HPS3: variants seen among roughly 807,000 people sequenced by gnomAD.
HPS3 encodes HPS3 biogenesis of lysosomal organelles complex 2 subunit 1, also known as BLOC-2 complex member HPS3.
Under a neutral mutation model 110.9 loss-of-function variants are expected in HPS3, and 79 were observed. The ratio of observed to expected loss-of-function variants is 0.71; its 90% CI spans 0.59 to 0.86. HPS3 has a LOEUF of 0.86. Among genes scored for constraint, HPS3 ranks in the 40% least tolerant of loss-of-function variants. HPS3 has a pLI of 0.00. For missense variants in HPS3, 1,197 were observed against 1,206.2 expected (o/e 0.99, Z 0.11); for synonymous variants, 428 against 451.0 (o/e 0.95, Z 0.65).
Position 149,172,154 on chromosome 3 carries a change from G to A in HPS3, c.2947G>A (p.Glu983Lys). The change falls in exon 17 of 17, where the codon GAA (glutamate) becomes AAA (lysine). Residue 983 changes from glutamate (E) to lysine (K), a missense_variant. Coordinates refer to ENST00000296051, the MANE Select transcript of HPS3 (RefSeq NM_032383.5). Reference sequence around the variant, plus strand: ...GAAGGATTTCATGAATGTTCTCCCAGAAGATGGTACTGCAACATTTTTCTT... The same window carrying A: ...GAAGGATTTCATGAATGTTCTCCCAAAAGATGGTACTGCAACATTTTTCTT... ...ELKDFMNVLPEDGTATFFLPY... is the reference protein window; with the variant it reads ...ELKDFMNVLPKDGTATFFLPY... 1 of 1,613,052 alleles carries A rather than the reference G, an allele frequency of 6.2e-7. No individual in the cohort carries two copies. Among genetic ancestry groups the A allele is most frequent in the Non-Finnish European group, 8.5e-7 (1 of 1,179,094 alleles).
In HPS3 at chr3:149,158,671, A is replaced by C; in HGVS notation, c.1697A>C (p.Asp566Ala). The C allele has an allele frequency of 1.9e-6, 3 of 1,613,132 alleles. No individual in the cohort carries two copies. The change falls in exon 10 of 17, where the codon GAC becomes GCC. Residue 566 changes from aspartate to alanine, a missense_variant. Physicochemically the swap from Asp to Ala is moderately radical, Grantham distance 126 (BLOSUM62 -2). Coordinates refer to ENST00000296051, the MANE Select transcript of HPS3 (RefSeq NM_032383.5). ...GHLGDCYSRL[D>A]SQHSHLTLPY... Reference sequence around the variant, plus strand: ...TTTCATTTCCTTCCCTTTAGGCTTGACTCCCAGCATTCTCATCTCACCTTG... The same window carrying C: ...TTTCATTTCCTTCCCTTTAGGCTTGCCTCCCAGCATTCTCATCTCACCTTG...
chr3:149,139,748 A>G (rs1233786794), intron 1 of HPS3, among the ~76,000 whole-genome samples: 4 of 152,212 alleles, frequency 2.6e-5, no homozygotes, highest in African/African-American at 9.6e-5. Context: ...TTTATTCCTT[A>G]TATGAACTTT....
In HPS3 at chr3:149,171,854, G is replaced by A. The variant is rs35796314; in HGVS notation, c.2888-241G>A. Among the ~76,000 whole-genome samples the A allele has an allele frequency of 0.036, 5,402 of 151,974 alleles. 251 individuals carry two copies. The highest frequency in any genetic ancestry group is 0.11 in the African/African-American group (4,494 of 41,446). ...TGAGTAGCTAGGATTACAGGTGTGCGCCACCATGCCCGGCTAATTTTTTTG... is the reference window on the plus strand; with the variant it reads ...TGAGTAGCTAGGATTACAGGTGTGCACCACCATGCCCGGCTAATTTTTTTG... On this transcript the variant is annotated intron_variant, in intron 16 of 16. Transcript: ENST00000296051.
chr3:149,137,099 T>A (rs761705460), intron 1 of HPS3, among the ~76,000 whole-genome samples: 1 of 152,092 alleles, frequency 6.6e-6, no homozygotes, highest in Admixed American at 6.6e-5. Context: ...CTAGAATATA[T>A]ACAATAAAGA....
intron 1 of HPS3, among the ~76,000 whole-genome samples, chr3:149,139,027 G>A (rs1306409984): frequency 5.3e-5 from 8 of 152,114 alleles, no homozygotes; most frequent in East Asian, 1.9e-4. Flanking sequence ...AATCTGTACC[G>A]TTAAAATAAA....
chr3:149,172,200 G>A lies in HPS3; in HGVS notation c.2993G>A (p.Ser998Asn). 4 of 1,613,470 alleles carry A rather than the reference G, an allele frequency of 2.5e-6. No individual in the cohort carries two copies. The highest frequency in any genetic ancestry group is 2.2e-5 in the South Asian group (2 of 91,052). ...TFFLPYLLYC[S>N]RKKPLT ...TTCTTGCCATATCTTCTCTATTGCA[G>A]TCGAAAGAAACCATTGACTTAAAGG... Residue 998 changes from serine (S) to asparagine (N), a missense_variant, in exon 17 of 17, where the codon AGT (serine) becomes AAT (asparagine). Ser to Asn is a conservative substitution (Grantham distance 46). Coordinates refer to ENST00000296051, the MANE Select transcript of HPS3 (RefSeq NM_032383.5).
chr3:149,151,931 T>C (rs1432710252), intron 6 of HPS3, among the ~76,000 whole-genome samples: 2 of 152,340 alleles, frequency 1.3e-5, no homozygotes, highest in East Asian at 3.9e-4. Flanking sequence ...TAGTGCCTAA[T>C]GTGTCTGAGA....
Position 149,155,171 on chromosome 3 carries a change from T to C in HPS3, c.1465T>C (p.Tyr489His). ...TGTAGCTGAGGCTGGGTGGAATTTG[T>C]ATATTGTGAATACGATCTCACCAGT... Reference protein sequence around the residue: ...PPVAEAGWNLYIVNTISPVQL... With the variant: ...PPVAEAGWNLHIVNTISPVQL... The change falls in exon 8 of 17, where the codon TAT becomes CAT. Residue 489 changes from tyrosine to histidine, a missense_variant. By Grantham distance (83) the Tyr-to-His change is moderately conservative. Coordinates refer to ENST00000296051, the MANE Select transcript of HPS3 (RefSeq NM_032383.5). 1 of 1,607,826 alleles carries C rather than the reference T, an allele frequency of 6.2e-7. No individual in the cohort carries two copies. Among genetic ancestry groups the C allele is most frequent in the East Asian group, 2.2e-5 (1 of 44,834 alleles).
At chr3:149,153,711 T>G in intron 7 of HPS3, 63 bp downstream of exon 7, 1 of 1,504,902 alleles carries the variant, frequency 6.6e-7, no homozygotes, top group South Asian at 1.1e-5. Context: ...ACTGGTATAT[T>G]TTGTGTTTAT....
At chr3:149,143,020 G>A (rs905890985) in intron 4 of HPS3, among the ~76,000 whole-genome samples, 15 of 152,162 alleles carry the variant, frequency 9.9e-5, no homozygotes, top group African/African-American at 3.6e-4. Context: ...TGCAGAGGGA[G>A]GATCACATCT....
Position 149,129,818 on chromosome 3 carries a change from C to G in HPS3, c.95C>G (p.Ala32Gly), listed in dbSNP as rs1164353284. The G allele has an allele frequency of 6.2e-7, 1 of 1,605,954 alleles. No homozygotes were observed. The highest frequency in any genetic ancestry group is 1.7e-5 in the Admixed American group (1 of 59,870). ...PDRFCGGGRD[A>G]LFVAAGCKVE... Reference sequence around the variant, plus strand: ...CGGTTCTGTGGCGGGGGGCGTGACGCGCTTTTCGTGGCGGCGGGCTGCAAG... The same window carrying G: ...CGGTTCTGTGGCGGGGGGCGTGACGGGCTTTTCGTGGCGGCGGGCTGCAAG... Residue 32 changes from alanine (A) to glycine (G), a missense_variant, in exon 1 of 17, where the codon GCG (alanine) becomes GGG (glycine). By Grantham distance (60) the Ala-to-Gly change is moderately conservative (BLOSUM62 0). Coordinates refer to ENST00000296051, the MANE Select transcript of HPS3 (RefSeq NM_032383.5).
intron 8 of HPS3, among the ~76,000 whole-genome samples, chr3:149,156,126 T>A (rs1723441374): frequency 6.6e-6 from 1 of 152,178 alleles, no homozygotes; most frequent in South Asian, 2.1e-4. Flanking sequence ...TATTTGCTTC[T>A]CTCTCTCTTT....
At chr3:149,140,546 C>CCTT in intron 2 of HPS3, 48 bp downstream of exon 2, 1 of 1,605,966 alleles carries the variant, frequency 6.2e-7, no homozygotes, top group East Asian at 2.2e-5. Context: ...ATATAGAAAA[C>CCTT]CTTCACCTTT....
intron 5 of HPS3, among the ~76,000 whole-genome samples, chr3:149,147,486 A>T (rs1369837807): frequency 6.6e-6 from 1 of 152,230 alleles, no homozygotes; most frequent in African/African-American, 2.4e-5. Flanking sequence ...CATCTCAGAA[A>T]CAATGGAAAA....
rs796536258 is a variant in HPS3 at position 149,160,421 on chromosome 3, CA to C, written c.2106+145del. 4.1e-5 allele frequency: 28 copies of C among 683,226 alleles called. No homozygotes were observed. The African/African-American group carries it at 5.0e-4, about 12-fold the overall frequency. The allele number at this position is 683,226 out of a possible 1,614,324, so 42.3% of individuals were successfully genotyped here. A position where few individuals can be genotyped will look rare whatever the true frequency, so the allele number is the denominator to read the frequency against. ...AGACAATATTAGAAACAAAGTGATCCAAATGGGACTTCGGATCTGGCAAATG... is the reference window on the plus strand; with the variant it reads ...AGACAATATTAGAAACAAAGTGATCCAATGGGACTTCGGATCTGGCAAATG... On this transcript the variant is annotated intron_variant, in intron 11 of 16. Coordinates refer to ENST00000296051, the MANE Select transcript of HPS3 (RefSeq NM_032383.5).
At chr3:149,153,165 A>T (rs1377456080) in intron 6 of HPS3, among the ~76,000 whole-genome samples, 2 of 152,164 alleles carry the variant, frequency 1.3e-5, no homozygotes, top group Non-Finnish European at 2.9e-5. Context: ...CATCTCCTGG[A>T]GGTATCTGTG....
intron 16 of HPS3, chr3:149,168,238 A>G (rs1724625867): frequency 2.3e-6 from 1 of 432,486 alleles, no homozygotes; most frequent in Non-Finnish European, 4.2e-6. Context: ...ATAGAAAATG[A>G]CAGCATCAGT....
In HPS3 at chr3:149,162,324, C is replaced by T. The variant is rs1723943652; in HGVS notation, c.2283C>T (p.Ser761=). Residue 761 remains serine, a synonymous_variant, in exon 12 of 17, where the codon TCC becomes TCT. Coordinates refer to ENST00000296051, the MANE Select transcript of HPS3 (RefSeq NM_032383.5). ...NNKIGIEEAD[S]FFKVLCAKDE... ...AAATTGGAATTGAAGAAGCAGATTC[C>T]TTTTTTAAGGTTTGTCACTTTGAAA... is the stretch of plus-strand genomic sequence containing the variant. 6.2e-7 allele frequency: 1 copy of T among 1,613,860 alleles called. No individual in the cohort carries two copies. Among genetic ancestry groups the T allele is most frequent in the African/African-American group, 1.3e-5 (1 of 75,008 alleles).
At chr3:149,156,931 AC>A (rs1723492512) in intron 8 of HPS3, among the ~76,000 whole-genome samples, 2 of 152,212 alleles carry the variant, frequency 1.3e-5, no homozygotes, top group African/African-American at 4.8e-5. Flanking sequence ...GCCTAAACTT[AC>A]CAATCAAAAC....
Sources: gnomAD v4.1 joint callset for allele counts (sites outside exome capture counted in the v4.1 genomes callset) on GRCh38, gnomAD v4.1.1 for gene constraint, MANE v1.5 for transcripts, NCBI Gene and HGNC (gene_info 2026-07-23, HGNC 2026-07-21) for gene names.